PDCD7: variants seen among roughly 807,000 people sequenced by gnomAD.
The protein encoded by PDCD7 is programmed cell death 7.
PDCD7 carries 40 observed loss-of-function variants against 42.1 expected under a neutral mutation model. The ratio of observed to expected loss-of-function variants is 0.95; its 90% CI spans 0.74 to 1.24. The LOEUF (loss-of-function observed/expected upper bound fraction) is 1.24. Ranked by LOEUF, PDCD7 falls within the 50% of genes most tolerant of loss-of-function variation. PDCD7 has a pLI of 0.00. For synonymous variants in PDCD7, 299 were observed against 303.3 expected, an observed-to-expected ratio of 0.99 and a Z score of 0.15; for missense variants, 644 against 662.8, an observed-to-expected ratio of 0.97 and a Z score of 0.31.
intron 1 of PDCD7, among the ~76,000 whole-genome samples, chr15:65,132,124 G>GTATA (rs10570029): frequency 0.029 from 4,139 of 140,900 alleles, 205 homozygotes; most frequent in African/African-American, 0.1. Flanking sequence ...GTATGTATGT[G>GTATA]TATATATATA....
At chr15:65,129,272 G>T (rs1447551970) in intron 1 of PDCD7, 102 bp from the exon 2 acceptor site, 2 of 1,259,366 alleles carry the variant, frequency 1.6e-6, no homozygotes, top group Non-Finnish European at 2.2e-6. Context: ...ACAGTCTCCA[G>T]GTTAAGAGAG....
chr15:65,119,714 A>G lies in PDCD7; in HGVS notation c.1246+4T>C. On this transcript the variant is annotated splice_donor_region_variant and intron_variant, in intron 3 of 4. Transcript: ENST00000204549. ...TTTTCTCCACTGGTTATAGAGCAAC[A>G]TACCTGGATCCCCAAACAACTTGGA... 1 of 1,608,934 alleles carries G rather than the reference A, an allele frequency of 6.2e-7. No individual in the cohort carries two copies. Among genetic ancestry groups the G allele is most frequent in the South Asian group, 1.1e-5 (1 of 89,802 alleles).
intron 2 of PDCD7, among the ~76,000 whole-genome samples, chr15:65,128,566 C>G (rs930055765): frequency 2.6e-5 from 4 of 152,238 alleles, no homozygotes; most frequent in African/African-American, 9.6e-5. Context: ...GAAATCCACA[C>G]AGTCTGCAAT....
intron 2 of PDCD7, among the ~76,000 whole-genome samples, chr15:65,120,702 C>T (rs1048656337): frequency 5.9e-5 from 9 of 151,878 alleles, no homozygotes; most frequent in Non-Finnish European, 8.8e-5. Flanking sequence ...AGTGAGACTC[C>T]GTCTCCAAAA....
chr15:65,133,744 C>T lies in PDCD7; in HGVS notation c.38G>A (p.Gly13Asp), dbSNP rs1474034428. 2.3e-6 allele frequency: 3 copies of T among 1,321,472 alleles called. No individual in the cohort carries two copies. Among genetic ancestry groups the T allele is most frequent in the African/African-American group, 3.1e-5 (2 of 65,224 alleles). 81.9% of individuals were successfully genotyped at this position (1,321,472 alleles called of 1,614,324 possible). ...AGGCGGCGGCTGCGGGGGCGGTGGG[C>T]CTGGGCGACCCTGGCCGAAGAATGG... is the stretch of plus-strand genomic sequence containing the variant. ...LPPFFGQGRP[G>D]PPPPQPPPPA... Residue 13 changes from glycine to aspartate, a missense_variant, in exon 1 of 5, where the codon GGC becomes GAC. Gly to Asp is a moderately conservative substitution (Grantham distance 94). Transcript: ENST00000204549.
rs184698366 is a variant in PDCD7, at chr15:65,132,985, C to T, written c.797G>A (p.Arg266Gln). Residue 266 changes from arginine to glutamine, a missense_variant, in exon 1 of 5, where the codon CGG (arginine) becomes CAG (glutamine). Transcript: ENST00000204549. ...REAEREAEAA[R>Q]AVEREQEIDR... Reference sequence around the variant, plus strand: ...AATCTCCTGCTCGCGTTCCACTGCCCGCGCGGCCTCTGCCTCCCGCTCGGC... The same window carrying T: ...AATCTCCTGCTCGCGTTCCACTGCCTGCGCGGCCTCTGCCTCCCGCTCGGC... 6.0e-5 allele frequency: 97 copies of T among 1,605,532 alleles called. No homozygotes were observed. Among genetic ancestry groups the T allele is most frequent in the Admixed American group, 6.7e-5 (4 of 60,014 alleles).
chr15:65,121,053 CTTTT>C (rs767625477), intron 2 of PDCD7, among the ~76,000 whole-genome samples: 2 of 130,150 alleles, frequency 1.5e-5, no homozygotes, highest in Non-Finnish European at 1.7e-5. Context: ...GACTTTCTTT[CTTTT>C]TTTTTTTTTT....
chr15:65,133,223 G>C lies in PDCD7; in HGVS notation c.559C>G (p.Arg187Gly). Residue 187 changes from arginine (R) to glycine (G), a missense_variant, in exon 1 of 5, where the codon CGG becomes GGG. Coordinates refer to ENST00000204549, the MANE Select transcript of PDCD7 (RefSeq NM_005707.2). Reference sequence around the variant, plus strand: ...AGGGCCTGGCTCAGGCCGCGCAGCCGCCGCACCAGGCGCAGAGCCCGGAGC... The same window carrying C: ...AGGGCCTGGCTCAGGCCGCGCAGCCCCCGCACCAGGCGCAGAGCCCGGAGC... Reference protein sequence around the residue: ...RLLRALRLVRRLRGLSQALRE... With the variant: ...RLLRALRLVRGLRGLSQALRE... 1 of 1,379,874 alleles carries C rather than the reference G, an allele frequency of 7.2e-7. No homozygotes were observed. Among genetic ancestry groups the C allele is most frequent in the African/African-American group, 1.5e-5 (1 of 65,486 alleles). 85.5% of individuals were successfully genotyped at this position (1,379,874 alleles called of 1,614,324 possible).
rs1022179217 is a variant in PDCD7 at position 65,133,629 on chromosome 15, G to C, written c.153C>G (p.Ala51=). Residue 51 remains alanine (A), a synonymous_variant, in exon 1 of 5, where the codon GCC becomes GCG. Coordinates refer to ENST00000204549, the MANE Select transcript of PDCD7 (RefSeq NM_005707.2). ...GCGGAGGCTGAAGGAAGGGGGCGGA[G>C]GCCCCCGGAAAAGGGCCGGGCCGCT... ...LPQRPGPFPG[A]SAPFLQPPLA... The C allele has an allele frequency of 1.8e-5, 22 of 1,251,260 alleles. No individual in the cohort carries two copies. Among genetic ancestry groups the C allele is most frequent in the Non-Finnish European group, 2.2e-5 (22 of 995,186 alleles). The allele number at this position is 1,251,260 out of a possible 1,614,324, so 77.5% of individuals were successfully genotyped here.
chr15:65,131,155 G>A (rs1007559050), intron 1 of PDCD7, among the ~76,000 whole-genome samples: 9 of 152,122 alleles, frequency 5.9e-5, no homozygotes, highest in African/African-American at 1.9e-4. Flanking sequence ...CCTGAGCTCC[G>A]CCTCCTGTCA....
chr15:65,128,543 A>C (rs1455517995), intron 2 of PDCD7, among the ~76,000 whole-genome samples: 2 of 152,194 alleles, frequency 1.3e-5, no homozygotes, highest in African/African-American at 4.8e-5. Context: ...CAGTGACATG[A>C]AGGGAAGGTG....
At position 65,118,741 on chromosome 15, in the gene PDCD7, C is replaced by G. The variant is rs989070971; in HGVS notation, c.1434G>C (p.Trp478Cys). The G allele has an allele frequency of 6.2e-7, 1 of 1,608,784 alleles. No individual in the cohort carries two copies. The highest frequency in any genetic ancestry group is 8.5e-7 in the Non-Finnish European group (1 of 1,177,940). The change falls in exon 5 of 5, where the codon TGG (tryptophan) becomes TGC (cysteine). Residue 478 changes from tryptophan (W) to cysteine (C), a missense_variant. By Grantham distance (215) the Trp-to-Cys change is radical. Coordinates refer to ENST00000204549, the MANE Select transcript of PDCD7 (RefSeq NM_005707.2). Reference sequence around the variant, plus strand: ...ACTAATGCAGCTTAACAGCAGTTGCCCAGATGTCGTTGCTGGGGAGCGGGG... The same window carrying G: ...ACTAATGCAGCTTAACAGCAGTTGCGCAGATGTCGTTGCTGGGGAGCGGGG... ...VLPPLPSNDIWATAVKLH is the reference protein window; with the variant it reads ...VLPPLPSNDICATAVKLH
At chr15:65,126,383 C>G (rs2140582611) in intron 2 of PDCD7, among the ~76,000 whole-genome samples, 1 of 152,246 alleles carries the variant, frequency 6.6e-6, no homozygotes, top group Admixed American at 6.5e-5. Context: ...GTACCACACA[C>G]ACCTCAAACT....
rs148778886 is a variant in PDCD7, at chr15:65,119,969, C to T, written c.1010-15G>A. On this transcript the variant is annotated splice_polypyrimidine_tract_variant and intron_variant, in intron 2 of 4. Coordinates refer to ENST00000204549, the MANE Select transcript of PDCD7 (RefSeq NM_005707.2). ...AGGACAGACCCCTGGGCAGACAGGA[C>T]AAAATGGCATTTTATTTATTTTTTT... The T allele has an allele frequency of 6.2e-4, 984 of 1,586,448 alleles. 9 individuals are homozygous for T. In the African/African-American group the frequency reaches 0.011, roughly 18 times the overall value.
At chr15:65,130,988 C>T (rs1382444405) in intron 1 of PDCD7, among the ~76,000 whole-genome samples, 2 of 152,144 alleles carry the variant, frequency 1.3e-5, no homozygotes, top group Admixed American at 1.3e-4. Flanking sequence ...CATGATCTCC[C>T]ACAGATCTCT....
At chr15:65,120,176 T>C (rs889106187) in intron 2 of PDCD7, among the ~76,000 whole-genome samples, 5 of 151,804 alleles carry the variant, frequency 3.3e-5, no homozygotes, top group South Asian at 2.1e-4. Context: ...TATTTTCAGA[T>C]AGGGTCTCAC....
At position 65,129,150 on chromosome 15, in the gene PDCD7, G is replaced by T; in HGVS notation, c.891C>A (p.Ala297=). 6.2e-7 allele frequency: 1 copy of T among 1,613,864 alleles called. No individual in the cohort carries two copies. ...EKKREQELKA[A]ADGVLSEVRK... is the part of the protein sequence containing the mutation. ...TCACTTCAGATAGTACGCCATCAGC[G>T]GCTGCTTTGAGTTCCTGCTCCTGGA... The change falls in exon 2 of 5, where the codon GCC becomes GCA. Residue 297 remains alanine (A), a synonymous_variant. Coordinates refer to ENST00000204549, the MANE Select transcript of PDCD7 (RefSeq NM_005707.2).
rs1163700651 is a variant in PDCD7, at chr15:65,133,745, C to T, written c.37G>A (p.Gly13Ser). The T allele has an allele frequency of 1.5e-6, 2 of 1,321,510 alleles. No individual in the cohort carries two copies. The highest frequency in any genetic ancestry group is 1.5e-5 in the African/African-American group (1 of 65,232). 81.9% of individuals were successfully genotyped at this position (1,321,510 alleles called of 1,614,324 possible). A position where few individuals can be genotyped will look rare whatever the true frequency, so the allele number is the denominator to read the frequency against. ...GGCGGCGGCTGCGGGGGCGGTGGGC[C>T]TGGGCGACCCTGGCCGAAGAATGGT... ...LPPFFGQGRP[G>S]PPPPQPPPPA... Residue 13 changes from glycine to serine, a missense_variant, in exon 1 of 5, where the codon GGC (glycine) becomes AGC (serine). Transcript: ENST00000204549.
intron 4 of PDCD7, 113 bp downstream of exon 4, chr15:65,119,263 C>A: frequency 1.5e-6 from 1 of 658,512 alleles, no homozygotes; most frequent in Non-Finnish European, 2.6e-6. Flanking sequence ...TTTTAAGTTC[C>A]TTATGGAACT....
Sources: allele counts gnomAD v4.1 joint callset (sites outside exome capture counted in the v4.1 genomes callset), GRCh38; gene constraint gnomAD v4.1.1; transcripts MANE v1.5; gene names NCBI Gene and HGNC (gene_info 2026-07-23, HGNC 2026-07-21).